The following LAD1 variants were observed in gnomAD, a reference collection of about 807,000 sequenced individuals.
The protein encoded by LAD1 is ladinin 1, also known as ladinin-1.
Under a neutral mutation model 54.2 loss-of-function variants are expected in LAD1, and 53 were observed. The ratio of observed to expected loss-of-function variants is 0.98; its 90% confidence interval spans 0.78 to 1.23. LAD1 has a LOEUF of 1.23. LAD1 is among the 50% of genes most tolerant of loss of function. The probability of loss-of-function intolerance (pLI) is 0.00; values close to 1 mark genes in which losing one functional copy is unlikely to be tolerated. For missense variants in LAD1, 637 were observed against 653.3 expected (o/e 0.98, Z 0.27); for synonymous variants, 231 against 257.7 (o/e 0.90, Z 0.99).
In LAD1 at chr1:201,399,215, A is replaced by G. The variant is rs1662361439; in HGVS notation, c.38+54T>C. The G allele has an allele frequency of 2.1e-6, 3 of 1,423,986 alleles. No homozygotes were observed. The South Asian group carries it at 3.7e-5, about 17-fold the overall frequency. The allele number at this position is 1,423,986 out of a possible 1,614,324, so 88.2% of individuals were successfully genotyped here. Reference sequence around the variant, plus strand: ...GAGGCCGGTGCCCCGAGGAGAGGAGACCCAAAGGCTCCCCGCCGACCCCCC... The same window carrying G: ...GAGGCCGGTGCCCCGAGGAGAGGAGGCCCAAAGGCTCCCCGCCGACCCCCC... On this transcript the variant is annotated intron_variant, in intron 1 of 9. Coordinates refer to ENST00000391967, the MANE Select transcript of LAD1 (RefSeq NM_005558.4).
rs1308084036 is a variant in LAD1, at chr1:201,380,857, T to G, written c.*1031A>C. ...GGAGAGTTCTAATGATTTAAATTTT[T>G]GAAAAGTTGTAAACCACAGCTTTAA... On this transcript the variant is annotated 3_prime_UTR_variant, in exon 10 of 10. Coordinates refer to ENST00000391967, the MANE Select transcript of LAD1 (RefSeq NM_005558.4). 6.6e-6 allele frequency: 1 copy of G among 152,314 alleles called. No individual in the cohort carries two copies. Among genetic ancestry groups the G allele is most frequent in the Admixed American group, 6.5e-5 (1 of 15,304 alleles). The allele number at this position is 152,314 out of a possible 1,614,324, so 9.4% of individuals were successfully genotyped here.
At position 201,383,234 on chromosome 1, in the gene LAD1, G is replaced by C. The variant is rs375636267; in HGVS notation, c.1249-23C>G. The C allele has an allele frequency of 2.3e-5, 37 of 1,613,960 alleles. No individual in the cohort carries two copies. The African/African-American group carries it at 4.3e-4, about 19-fold the overall frequency. ...TCTCTGGGAACCAAGAACACCAACA[G>C]CTGACCCATGCTGGGGAGGGGAAAG... is the stretch of plus-strand genomic sequence containing the variant. On this transcript the variant is annotated intron_variant, in intron 6 of 9. Coordinates refer to ENST00000391967, the MANE Select transcript of LAD1 (RefSeq NM_005558.4).
At chr1:201,395,499 A>C (rs991212343) in intron 1 of LAD1, among the ~76,000 whole-genome samples, 1 of 152,138 alleles carries the variant, frequency 6.6e-6, no homozygotes, top group Non-Finnish European at 1.5e-5. Context: ...CATGCTTGTA[A>C]TCCCAGCACT....
rs1662104737 is a variant in LAD1 at position 201,387,008 on chromosome 1, C to T, written c.353G>A (p.Gly118Glu). 3 of 1,609,682 alleles carry T rather than the reference C, an allele frequency of 1.9e-6. No homozygotes were observed. The highest frequency in any genetic ancestry group is 2.5e-6 in the Non-Finnish European group (3 of 1,178,162). Reference protein sequence around the residue: ...PIQERLEAEEGRNSLSPVQAT... With the variant: ...PIQERLEAEEERNSLSPVQAT... ...CTGCACAGGGCTCAAGCTGTTCCTC[C>T]CCTCCTCTGCCTCCAGCCTCTCCTG... is the stretch of plus-strand genomic sequence containing the variant. Residue 118 changes from glycine (G) to glutamate (E), a missense_variant, in exon 3 of 10, where the codon GGG (glycine) becomes GAG (glutamate). Gly to Glu is a moderately conservative substitution (Grantham distance 98). Transcript: ENST00000391967.
At chr1:201,387,727 A>G (rs1662124156) in intron 2 of LAD1, among the ~76,000 whole-genome samples, 1 of 152,086 alleles carries the variant, frequency 6.6e-6, no homozygotes, top group Non-Finnish European at 1.5e-5. Context: ...GCTGCCGGGC[A>G]AGGCTGGGGG....
chr1:201,385,601 G>T, intron 4 of LAD1, 100 bp downstream of exon 4: 2 of 865,024 alleles, frequency 2.3e-6, no homozygotes, highest in Non-Finnish European at 2.0e-6. Flanking sequence ...CTATCCAGGG[G>T]ACCTTCCTAC....
At position 201,385,018 on chromosome 1, in the gene LAD1, A is replaced by T. The variant is rs139139691; in HGVS notation, c.1132-183T>A. Among the ~76,000 whole-genome samples the T allele has an allele frequency of 9.1e-3, 1,391 of 152,290 alleles. 21 individuals are homozygous for T. The highest frequency in any genetic ancestry group is 0.014 in the Non-Finnish European group (968 of 68,018). On this transcript the variant is annotated intron_variant, in intron 4 of 9. Coordinates refer to ENST00000391967, the MANE Select transcript of LAD1 (RefSeq NM_005558.4). ...GCCTTCGTTAAAGATCCTTGTTTGTATCTGGAAGACACAGGTTCCCACCCA... is the reference window on the plus strand; with the variant it reads ...GCCTTCGTTAAAGATCCTTGTTTGTTTCTGGAAGACACAGGTTCCCACCCA...
chr1:201,381,414 G>A lies in LAD1; in HGVS notation c.*474C>T. ...TCCCCTGGCCAGAGCGGGCCTCAGT[G>A]GCTGGGAGCAGGCCCCAGGGACAAA... On this transcript the variant is annotated 3_prime_UTR_variant, in exon 10 of 10. Coordinates refer to ENST00000391967, the MANE Select transcript of LAD1 (RefSeq NM_005558.4). 5.3e-6 allele frequency: 1 copy of A among 188,782 alleles called. No individual in the cohort carries two copies. The highest frequency in any genetic ancestry group is 9.1e-5 in the South Asian group (1 of 11,006). 11.7% of individuals were successfully genotyped at this position (188,782 alleles called of 1,614,324 possible).
intron 1 of LAD1, among the ~76,000 whole-genome samples, chr1:201,390,215 G>C (rs1238973313): frequency 6.6e-6 from 1 of 151,764 alleles, no homozygotes. Flanking sequence ...CACTGTGCTG[G>C]GCTGCTTTTT....
rs1311440296 is a variant in LAD1, at chr1:201,386,514, T to G, written c.847A>C (p.Arg283=). 1 of 1,593,748 alleles carries G rather than the reference T, an allele frequency of 6.3e-7. No individual in the cohort carries two copies. Among genetic ancestry groups the G allele is most frequent in the Non-Finnish European group, 8.5e-7 (1 of 1,171,498 alleles). The part of the protein sequence containing the change: ...PTADAKPAPK[R]ATASEQPLAQ... ...AGGGGCTGCTCTGAGGCTGTGGCCC[T>G]CTTTGGGGCCGGCTTAGCATCTGCA... is the stretch of plus-strand genomic sequence containing the variant. The change falls in exon 3 of 10, where the codon AGG becomes CGG. Residue 283 remains arginine (R), a synonymous_variant. Coordinates refer to ENST00000391967, the MANE Select transcript of LAD1 (RefSeq NM_005558.4).
chr1:201,394,277 C>T (rs2102360590), intron 1 of LAD1, among the ~76,000 whole-genome samples: 1 of 152,330 alleles, frequency 6.6e-6, no homozygotes, highest in Middle Eastern at 3.4e-3. Context: ...CCACTCCTCC[C>T]CCAAAGGCAA....
At chr1:201,393,334 T>C (rs1031605990) in intron 1 of LAD1, among the ~76,000 whole-genome samples, 4 of 152,050 alleles carry the variant, frequency 2.6e-5, no homozygotes, top group African/African-American at 7.2e-5. Flanking sequence ...AGGCACCAGA[T>C]ACCACAGGAA....
In LAD1 at chr1:201,386,684, C is replaced by T. The variant is rs746903743; in HGVS notation, c.677G>A (p.Ser226Asn). ...EKIAVSEKRNSSEKKSVLEKT... is the reference protein window; with the variant it reads ...EKIAVSEKRNNSEKKSVLEKT... ...TTCTAGAACAGACTTCTTCTCTGAG[C>T]TGTTTCTTTTCTCTGACACTGCTAT... The change falls in exon 3 of 10, where the codon AGC (serine) becomes AAC (asparagine). Residue 226 changes from serine to asparagine, a missense_variant. Ser to Asn is a conservative substitution (Grantham distance 46, BLOSUM62 1). Transcript: ENST00000391967. The T allele has an allele frequency of 1.1e-5, 17 of 1,614,076 alleles. No homozygotes were observed. Among genetic ancestry groups the T allele is most frequent in the Non-Finnish European group, 1.4e-5 (17 of 1,180,038 alleles).
chr1:201,394,834 GCCTCTCC>G (rs1222116914), intron 1 of LAD1, among the ~76,000 whole-genome samples: 14 of 152,270 alleles, frequency 9.2e-5, no homozygotes, highest in Admixed American at 9.2e-4. Context: ...AGCCCAGAGT[GCCTCTCC>G]CCTGACCACA....
At chr1:201,395,812 G>A (rs766705323) in intron 1 of LAD1, among the ~76,000 whole-genome samples, 10 of 152,194 alleles carry the variant, frequency 6.6e-5, no homozygotes, top group Admixed American at 2.0e-4. Context: ...TCCCACGATC[G>A]CACAGCTAAT....
Position 201,381,798 on chromosome 1 carries a change from G to T in LAD1, c.*90C>A. 2 of 1,374,728 alleles carry T rather than the reference G, an allele frequency of 1.5e-6. No individual in the cohort carries two copies. Among genetic ancestry groups the T allele is most frequent in the South Asian group, 2.3e-5 (2 of 86,410 alleles). The allele number at this position is 1,374,728 out of a possible 1,614,324, so 85.2% of individuals were successfully genotyped here. A position where few individuals can be genotyped will look rare whatever the true frequency, so the allele number is the denominator to read the frequency against. On this transcript the variant is annotated 3_prime_UTR_variant, in exon 10 of 10. Coordinates refer to ENST00000391967, the MANE Select transcript of LAD1 (RefSeq NM_005558.4). ...GGCAAAAAGGGAACAGGGACAATGAGAGGAAAGGGTGCTGCTGTGAGAGGC... is the reference window on the plus strand; with the variant it reads ...GGCAAAAAGGGAACAGGGACAATGATAGGAAAGGGTGCTGCTGTGAGAGGC...
intron 5 of LAD1, among the ~76,000 whole-genome samples, chr1:201,384,535 C>T (rs1662034129): frequency 6.6e-6 from 1 of 152,128 alleles, no homozygotes; most frequent in Admixed American, 6.5e-5. Flanking sequence ...CCCTCATCCC[C>T]CTTTGGGGCC....
chr1:201,393,682 G>T (rs973110865), intron 1 of LAD1, among the ~76,000 whole-genome samples: 9 of 150,850 alleles, frequency 6.0e-5, no homozygotes, highest in Admixed American at 5.3e-4. Context: ...GGAGGTAGAG[G>T]TTGCAGTGAG....
In LAD1 at chr1:201,382,728, C is replaced by T. The variant is rs1661988075; in HGVS notation, c.1398G>A (p.Arg466=). ...EPASSRKENL[R]LSGVVTSRLN... The stretch of plus-strand genomic sequence containing the variant: ...GCCTTGATGTCACAACCCCTGAGAG[C>T]CTCAAGTTCTCCTAAAAAGAGAACT... The change falls in exon 8 of 10, where the codon AGG becomes AGA. Residue 466 remains arginine (R), a synonymous_variant. Coordinates refer to ENST00000391967, the MANE Select transcript of LAD1 (RefSeq NM_005558.4). 1 of 1,603,040 alleles carries T rather than the reference C, an allele frequency of 6.2e-7. No homozygotes were observed. The highest frequency in any genetic ancestry group is 2.2e-5 in the East Asian group (1 of 44,652).
Sources: allele counts gnomAD v4.1 joint callset (sites outside exome capture counted in the v4.1 genomes callset), GRCh38; gene constraint gnomAD v4.1.1; transcripts MANE v1.5; gene names NCBI Gene and HGNC (gene_info 2026-07-23, HGNC 2026-07-21).